SMAP1: variants seen among roughly 807,000 people sequenced by gnomAD.
SMAP1 encodes the protein stromal membrane-associated protein 1.
Under a neutral mutation model 58.5 loss-of-function variants are expected in SMAP1, and 24 were observed. The observed-to-expected ratio is 0.41, with a 90% confidence interval of 0.30 to 0.58. SMAP1 has a LOEUF of 0.58. Ranked by LOEUF, SMAP1 falls within the 20% of genes least tolerant of loss-of-function variation. The pLI is 0.29. For missense variants in SMAP1, 563 were observed against 566.3 expected (o/e 0.99, Z 0.06); for synonymous variants, 216 against 196.6 (o/e 1.10, Z -0.82).
chr6:70,712,783 TC>T, intron 1 of SMAP1, among the ~76,000 whole-genome samples: 1 of 148,106 alleles, frequency 6.8e-6, no homozygotes, highest in African/African-American at 2.6e-5. Flanking sequence ...TTTTCTTTTT[TC>T]TTTTTTTCTT....
At chr6:70,717,010 A>C (rs145168298) in intron 1 of SMAP1, among the ~76,000 whole-genome samples, 5 of 152,272 alleles carry the variant, frequency 3.3e-5, no homozygotes, top group Non-Finnish European at 7.4e-5. Flanking sequence ...GATTCTTACC[A>C]GTTAGGCCAG....
At chr6:70,691,822 A>G (rs574780592) in intron 1 of SMAP1, among the ~76,000 whole-genome samples, 2 of 152,264 alleles carry the variant, frequency 1.3e-5, no homozygotes, top group African/African-American at 2.4e-5. Context: ...TAGTACTCCA[A>G]TGTGTATATG....
In SMAP1 at chr6:70,693,213, C is replaced by T. The variant is rs544172942; in HGVS notation, c.118+25072C>T. The stretch of plus-strand genomic sequence containing the variant: ...TTTGAAGTCAGGTAATGTGATTCCT[C>T]CAGTTTTGTTCTTGTTGCCTGGACT... On this transcript the variant is annotated intron_variant, in intron 1 of 10. Coordinates refer to ENST00000370455, the MANE Select transcript of SMAP1 (RefSeq NM_001044305.3). 2.0e-5 allele frequency among the ~76,000 whole-genome samples: 3 copies of T among 151,786 alleles called. No individual in the cohort carries two copies. The East Asian group carries it at 5.8e-4, about 29-fold the overall frequency.
chr6:70,794,536 T>G (rs1443908831), intron 5 of SMAP1, among the ~76,000 whole-genome samples: 1 of 152,168 alleles, frequency 6.6e-6, no homozygotes, highest in Admixed American at 6.5e-5. Flanking sequence ...CAACTCATCA[T>G]TTACATTAGG....
At chr6:70,763,763 A>T (rs1782651660) in intron 3 of SMAP1, among the ~76,000 whole-genome samples, 2 of 152,216 alleles carry the variant, frequency 1.3e-5, no homozygotes, top group African/African-American at 2.4e-5. Flanking sequence ...AGTGGTTTGG[A>T]TAGAAGTTCA....
chr6:70,795,790 T>C lies in SMAP1; in HGVS notation c.496-2867T>C, dbSNP rs192109163. 8.9e-4 allele frequency among the ~76,000 whole-genome samples: 135 copies of C among 151,496 alleles called. 1 individual carries two copies. Among genetic ancestry groups the C allele is most frequent in the African/African-American group, 2.3e-3 (93 of 41,262 alleles). The stretch of plus-strand genomic sequence containing the variant: ...TTTGCTCTTGTTGCCCAGGCTGGAG[T>C]GCAATGGCATGGTCTCAGCTCACTG... On this transcript the variant is annotated intron_variant, in intron 5 of 10. Transcript: ENST00000370455.
intron 5 of SMAP1, among the ~76,000 whole-genome samples, chr6:70,795,270 G>T (rs1201817481): frequency 6.6e-6 from 1 of 152,188 alleles, no homozygotes; most frequent in Non-Finnish European, 1.5e-5. Context: ...TGATTAGGAA[G>T]TCAAACTTCT....
At chr6:70,847,797 A>G (rs1212290941) in intron 7 of SMAP1, among the ~76,000 whole-genome samples, 1 of 152,144 alleles carries the variant, frequency 6.6e-6, no homozygotes, top group Non-Finnish European at 1.5e-5. Flanking sequence ...AGCAAGGTGC[A>G]TGTCTACGGT....
intron 6 of SMAP1, among the ~76,000 whole-genome samples, chr6:70,825,250 CT>C (rs1218130730): frequency 1.3e-5 from 2 of 152,172 alleles, no homozygotes; most frequent in African/African-American, 4.8e-5. Context: ...CATTGGGGCT[CT>C]GTGAGACTGC....
At chr6:70,768,156 A>G (rs1200360797) in intron 3 of SMAP1, among the ~76,000 whole-genome samples, 1 of 152,140 alleles carries the variant, frequency 6.6e-6, no homozygotes, top group African/African-American at 2.4e-5. Flanking sequence ...GTTTGCCAGT[A>G]TTTTACTGAG....
At chr6:70,804,271 G>A (rs566778598) in intron 6 of SMAP1, among the ~76,000 whole-genome samples, 36 of 148,352 alleles carry the variant, frequency 2.4e-4, no homozygotes, top group Admixed American at 1.1e-3. Flanking sequence ...ATCTTTGTTC[G>A]TTTGAAGTCT....
intron 1 of SMAP1, among the ~76,000 whole-genome samples, chr6:70,724,228 A>G (rs779280167): frequency 9.9e-5 from 15 of 151,192 alleles, no homozygotes; most frequent in Admixed American, 1.3e-4. Flanking sequence ...TGGAATTTCA[A>G]TCATGTCACC....
chr6:70,736,302 G>A lies in SMAP1; in HGVS notation c.252+3791G>A, dbSNP rs1381257327. On this transcript the variant is annotated intron_variant, in intron 2 of 10. Coordinates refer to ENST00000370455, the MANE Select transcript of SMAP1 (RefSeq NM_001044305.3). ...TGTGGTTCATGGTCAGATTAATTGT[G>A]TTTGGTCTTGGGTTTATTGTCACGT... is the stretch of plus-strand genomic sequence containing the variant. Among the ~76,000 whole-genome samples, 3 of 152,162 alleles carry A rather than the reference G, an allele frequency of 2.0e-5. No homozygotes were observed. The East Asian group carries it at 5.8e-4, about 29-fold the overall frequency.
intron 1 of SMAP1, chr6:70,668,584 G>C (rs1242541161): frequency 6.5e-7 from 1 of 1,535,706 alleles, no homozygotes; most frequent in African/African-American, 1.4e-5. Flanking sequence ...ACCCTCCGGT[G>C]TGACCACGTC....
chr6:70,687,984 C>T (rs1767001288), intron 1 of SMAP1, among the ~76,000 whole-genome samples: 1 of 152,140 alleles, frequency 6.6e-6, no homozygotes, highest in African/African-American at 2.4e-5. Context: ...CATTCCTAAC[C>T]CATAGCATCC....
chr6:70,760,936 AT>A (rs1415286853), intron 3 of SMAP1, among the ~76,000 whole-genome samples: 1 of 152,056 alleles, frequency 6.6e-6, no homozygotes, highest in Non-Finnish European at 1.5e-5. Context: ...TAAGCTTTTC[AT>A]TATTAGGATA....
intron 3 of SMAP1, among the ~76,000 whole-genome samples, chr6:70,756,912 A>G (rs1467968143): frequency 1.3e-5 from 2 of 152,144 alleles, no homozygotes; most frequent in Non-Finnish European, 2.9e-5. Context: ...ATGGGTAGGA[A>G]GAATCAATAT....
chr6:70,704,772 A>G (rs1040717558), intron 1 of SMAP1, among the ~76,000 whole-genome samples: 1 of 152,246 alleles, frequency 6.6e-6, no homozygotes, highest in African/African-American at 2.4e-5. Flanking sequence ...AAGACAAGAA[A>G]GTAGTTGGAC....
intron 7 of SMAP1, among the ~76,000 whole-genome samples, chr6:70,848,295 G>A (rs1159596612): frequency 6.6e-6 from 1 of 152,212 alleles, no homozygotes; most frequent in East Asian, 1.9e-4. Flanking sequence ...ACTGGTGTCA[G>A]TACAGGATAG....
Sources: allele counts gnomAD v4.1 joint callset (sites outside exome capture counted in the v4.1 genomes callset), GRCh38; gene constraint gnomAD v4.1.1; transcripts MANE v1.5; gene names NCBI Gene and HGNC (gene_info 2026-07-23, HGNC 2026-07-21).